KIAA0825: variants seen among roughly 807,000 people sequenced by gnomAD.
The protein encoded by KIAA0825 is KIAA0825.
Under a neutral mutation model 147.6 loss-of-function variants are expected in KIAA0825, and 119 were observed. The ratio of observed to expected loss-of-function variants is 0.81; its 90% CI spans 0.69 to 0.94. The LOEUF (loss-of-function observed/expected upper bound fraction) is 0.94, where lower values mean the gene tolerates loss of function less well. Ranked by LOEUF, KIAA0825 falls within the 40% of genes least tolerant of loss-of-function variation. The pLI is 0.00. For synonymous variants in KIAA0825, 470 were observed against 518.1 expected, an observed-to-expected ratio of 0.91 and a Z score of 1.26; for missense variants, 1,381 against 1,472.7, an observed-to-expected ratio of 0.94 and a Z score of 1.02.
At chr5:94,557,941 T>A (rs183710346) in intron 2 of KIAA0825, among the ~76,000 whole-genome samples, 230 of 152,224 alleles carry the variant, frequency 1.5e-3, no homozygotes, top group Non-Finnish European at 2.6e-3. Flanking sequence ...CTAACTTCCA[T>A]CCCTCTGGAT....
chr5:94,299,164 T>C (rs1401469873), intron 20 of KIAA0825, among the ~76,000 whole-genome samples: 1 of 151,278 alleles, frequency 6.6e-6, no homozygotes, highest in Admixed American at 6.6e-5. Context: ...ATGAAATTTC[T>C]TAAGGATTAG....
At chr5:94,556,152 G>A (rs181179739) in intron 2 of KIAA0825, among the ~76,000 whole-genome samples, 11 of 151,412 alleles carry the variant, frequency 7.3e-5, no homozygotes, top group African/African-American at 2.7e-4. Flanking sequence ...TCCTGGATTC[G>A]AGCGATTCTC....
At chr5:94,413,474 A>C (rs188015096) in intron 15 of KIAA0825, 1 of 151,944 alleles carries the variant, frequency 6.6e-6, no homozygotes, top group East Asian at 1.9e-4. Context: ...AAATAAACTA[A>C]TGATAAAGCA....
chr5:94,532,089 G>C (rs1273909989), intron 3 of KIAA0825, among the ~76,000 whole-genome samples: 1 of 152,118 alleles, frequency 6.6e-6, no homozygotes, highest in African/African-American at 2.4e-5. Flanking sequence ...TAATAGGCAT[G>C]GTTAAATGTC....
rs201308470 is a variant in KIAA0825, at chr5:94,469,926, T to C, written c.1872+35A>G. The C allele has an allele frequency of 7.2e-4, 1,092 of 1,507,566 alleles. 2 individuals carry two copies. The highest frequency in any genetic ancestry group is 7.2e-4 in the Non-Finnish European group (804 of 1,120,758). 93.4% of individuals were successfully genotyped at this position (1,507,566 alleles called of 1,614,324 possible). On this transcript the variant is annotated intron_variant, in intron 10 of 20. Transcript: ENST00000682413. Reference sequence around the variant, plus strand: ...GCAGGTACGCAGTAAAACATATTTGTGTAAAAAGGAGGGATAGTAAACTTA... The same window carrying C: ...GCAGGTACGCAGTAAAACATATTTGCGTAAAAAGGAGGGATAGTAAACTTA...
intron 20 of KIAA0825, among the ~76,000 whole-genome samples, chr5:94,270,739 T>A (rs925424265): frequency 2.0e-5 from 3 of 152,076 alleles, no homozygotes; most frequent in Admixed American, 2.0e-4. Flanking sequence ...TATGACTCAA[T>A]AGTCAGAAAG....
chr5:94,469,241 G>A (rs1760917651), intron 10 of KIAA0825, among the ~76,000 whole-genome samples: 1 of 151,722 alleles, frequency 6.6e-6, no homozygotes, highest in Non-Finnish European at 1.5e-5. Flanking sequence ...CTGGATCTCA[G>A]CTCATTGCAA....
intron 20 of KIAA0825, among the ~76,000 whole-genome samples, chr5:94,306,988 C>T (rs903897363): frequency 6.6e-6 from 1 of 151,772 alleles, no homozygotes; most frequent in African/African-American, 2.4e-5. Context: ...TGTATCTATA[C>T]CCACCTCTAC....
chr5:94,268,074 G>GA (rs1001463417), intron 20 of KIAA0825, among the ~76,000 whole-genome samples: 14 of 147,938 alleles, frequency 9.5e-5, no homozygotes, highest in East Asian at 3.9e-4. Context: ...GTGTTGGACT[G>GA]AAAAAAAAAC....
chr5:94,163,338 C>A (rs2149925045), intron 20 of KIAA0825, among the ~76,000 whole-genome samples: 1 of 152,252 alleles, frequency 6.6e-6, no homozygotes, highest in African/African-American at 2.4e-5. Flanking sequence ...TGATGTGACA[C>A]CAAAAACTAA....
intron 10 of KIAA0825, among the ~76,000 whole-genome samples, chr5:94,467,952 G>A (rs1443072015): frequency 6.6e-6 from 1 of 152,040 alleles, no homozygotes; most frequent in Non-Finnish European, 1.5e-5. Context: ...ATTTTTAGAA[G>A]GTTCTTATTT....
rs561642430 is a variant in KIAA0825, at chr5:94,213,181, T to C, written c.3711-59057A>G. Among the ~76,000 whole-genome samples, 12 of 152,210 alleles carry C rather than the reference T, an allele frequency of 7.9e-5. No individual in the cohort carries two copies. The East Asian group carries it at 1.9e-3, about 25-fold the overall frequency. On this transcript the variant is annotated intron_variant, in intron 20 of 20. Coordinates refer to ENST00000682413, the MANE Select transcript of KIAA0825 (RefSeq NM_001145678.3). ...CTCTCCCCACAAAAGGATTTTTCTC[T>C]GGTGTTCTCCATCTCAATGAATGAC...
At chr5:94,485,069 A>G in intron 5 of KIAA0825, 139 bp from the exon 6 acceptor site, 1 of 489,118 alleles carries the variant, frequency 2.0e-6, no homozygotes, top group Non-Finnish European at 3.3e-6. Context: ...TCATTAAGAA[A>G]TACATATAAA....
At chr5:94,214,626 T>A (rs1773043479) in intron 20 of KIAA0825, among the ~76,000 whole-genome samples, 1 of 152,224 alleles carries the variant, frequency 6.6e-6, no homozygotes, top group Non-Finnish European at 1.5e-5. Context: ...AATTTCTTCC[T>A]ACCCTCCTTG....
chr5:94,495,553 C>T (rs542336746), intron 5 of KIAA0825, among the ~76,000 whole-genome samples: 5 of 152,334 alleles, frequency 3.3e-5, no homozygotes, highest in Admixed American at 1.3e-4. Context: ...GGTACAGAGT[C>T]AGATCTGAAA....
intron 3 of KIAA0825, among the ~76,000 whole-genome samples, chr5:94,526,029 T>C (rs1032863992): frequency 6.6e-6 from 1 of 152,094 alleles, no homozygotes; most frequent in Admixed American, 6.5e-5. Context: ...GGCTGTCTTG[T>C]TGTCTGCCAC....
chr5:94,295,844 T>A (rs1283066815), intron 20 of KIAA0825, among the ~76,000 whole-genome samples: 2 of 152,142 alleles, frequency 1.3e-5, no homozygotes, highest in South Asian at 2.1e-4. Flanking sequence ...AGCTCTCCTG[T>A]ATGAGGGGTC....
chr5:94,209,097 T>C (rs1562313911), intron 20 of KIAA0825, among the ~76,000 whole-genome samples: 1 of 152,210 alleles, frequency 6.6e-6, no homozygotes, highest in East Asian at 1.9e-4. Flanking sequence ...AAGGAATTCT[T>C]CAGGATTTAA....
intron 6 of KIAA0825, among the ~76,000 whole-genome samples, chr5:94,484,443 A>C (rs1268407796): frequency 6.6e-6 from 1 of 151,778 alleles, no homozygotes; most frequent in Non-Finnish European, 1.5e-5. Context: ...GAGCAAAAGA[A>C]AAGATACTAG....
Sources: allele counts gnomAD v4.1 joint callset (sites outside exome capture counted in the v4.1 genomes callset), GRCh38; gene constraint gnomAD v4.1.1; transcripts MANE v1.5; gene names NCBI Gene and HGNC (gene_info 2026-07-23, HGNC 2026-07-21).